MKLN1: variants seen among roughly 807,000 people sequenced by gnomAD.
MKLN1 encodes muskelin.
Under a neutral mutation model 99.0 loss-of-function variants are expected in MKLN1, and 18 were observed. The observed-to-expected ratio is 0.18, with a 90% confidence interval of 0.13 to 0.27. MKLN1 has a LOEUF of 0.27. MKLN1 is among the 10% of genes least tolerant of loss of function. The pLI is 1.00. For missense variants in MKLN1, 621 were observed against 875.9 expected (o/e 0.71, Z 3.67); for synonymous variants, 288 against 293.2 (o/e 0.98, Z 0.18).
At chr7:131,232,231 TAA>T (rs1304602033) in intron 3 of MKLN1, among the ~76,000 whole-genome samples, 1 of 152,208 alleles carries the variant, frequency 6.6e-6, no homozygotes, top group Non-Finnish European at 1.5e-5. Flanking sequence ...GAAATTATAA[TAA>T]AGATACTCTA....
intron 3 of MKLN1, among the ~76,000 whole-genome samples, chr7:131,267,357 A>C (rs1797823109): frequency 6.6e-6 from 1 of 152,174 alleles, no homozygotes; most frequent in Non-Finnish European, 1.5e-5. Flanking sequence ...ATAAATAAAT[A>C]TACATATAAA....
chr7:131,128,896 ATTTT>A (rs59954758), intron 1 of MKLN1, among the ~76,000 whole-genome samples: 2 of 120,206 alleles, frequency 1.7e-5, no homozygotes, highest in Admixed American at 9.4e-5. Context: ...CACCTCACCT[ATTTT>A]TTTTTTTTTT....
intron 9 of MKLN1, among the ~76,000 whole-genome samples, chr7:131,431,261 A>C (rs1163103067): frequency 6.6e-6 from 1 of 151,906 alleles, no homozygotes; most frequent in Non-Finnish European, 1.5e-5. Flanking sequence ...CAAGTCCCCC[A>C]AATACCATAT....
chr7:131,202,705 C>T (rs568091423), intron 2 of MKLN1, among the ~76,000 whole-genome samples: 1 of 152,144 alleles, frequency 6.6e-6, no homozygotes, highest in Non-Finnish European at 1.5e-5. Context: ...CAAATGTCCC[C>T]ATGGTGGAGT....
At chr7:131,174,558 G>A (rs554746695) in intron 2 of MKLN1, among the ~76,000 whole-genome samples, 53 of 152,108 alleles carry the variant, frequency 3.5e-4, no homozygotes, top group Middle Eastern at 3.4e-3. Flanking sequence ...ATCTCTTCCC[G>A]ACATGAGGTG....
intron 3 of MKLN1, among the ~76,000 whole-genome samples, chr7:131,312,956 C>A (rs887865212): frequency 6.6e-6 from 1 of 152,100 alleles, no homozygotes; most frequent in African/African-American, 2.4e-5. Flanking sequence ...GTCCCCAGGG[C>A]CACTTGTCTA....
chr7:131,120,043 C>T lies in MKLN1; in HGVS notation c.-419+9836C>T, dbSNP rs563647201. Among the ~76,000 whole-genome samples, 393 of 151,794 alleles carry T rather than the reference C, an allele frequency of 2.6e-3. 2 individuals carry two copies. Among genetic ancestry groups the T allele is most frequent in the African/African-American group, 8.7e-3 (361 of 41,366 alleles). The stretch of plus-strand genomic sequence containing the variant: ...AGCAGCCAGGCCACGTGTTGGCAGG[C>T]GCCTGTAGTCCCAGCTACTCGGGAG... On this transcript the variant is annotated intron_variant, in intron 1 of 7. Transcript: ENST00000416992.
chr7:131,362,561 A>T (rs1800061499), intron 1 of MKLN1, among the ~76,000 whole-genome samples: 1 of 151,090 alleles, frequency 6.6e-6, no homozygotes, highest in Non-Finnish European at 1.5e-5. Flanking sequence ...TTTTAGAAAG[A>T]TTTGCTTGAA....
At chr7:131,429,723 C>T (rs1031675504) in intron 9 of MKLN1, among the ~76,000 whole-genome samples, 66 of 152,248 alleles carry the variant, frequency 4.3e-4, no homozygotes, top group African/African-American at 9.9e-4. Flanking sequence ...GGACTACAGG[C>T]GTCCGCCACC....
chr7:131,197,706 C>A (rs1796669484), intron 2 of MKLN1, among the ~76,000 whole-genome samples: 2 of 152,018 alleles, frequency 1.3e-5, no homozygotes, highest in African/African-American at 4.8e-5. Flanking sequence ...AACTCTCTTT[C>A]ATTTTCCCAC....
At chr7:131,381,845 G>A (rs1793858110) in intron 2 of MKLN1, among the ~76,000 whole-genome samples, 2 of 152,136 alleles carry the variant, frequency 1.3e-5, no homozygotes, top group Non-Finnish European at 2.9e-5. Flanking sequence ...CTTTATATGG[G>A]TTCATTGCAT....
upstream of MKLN1, among the ~76,000 whole-genome samples, chr7:131,325,269 T>C (rs1363123481): frequency 1.3e-5 from 2 of 152,040 alleles, no homozygotes; most frequent in Non-Finnish European, 2.9e-5. Flanking sequence ...TATTGTGATG[T>C]GTGCTAAGAT....
At chr7:131,393,779 C>T (rs931737582) in intron 4 of MKLN1, among the ~76,000 whole-genome samples, 2 of 151,938 alleles carry the variant, frequency 1.3e-5, no homozygotes, top group African/African-American at 4.8e-5. Flanking sequence ...CACATACTAT[C>T]ATGCCCAGCT....
At chr7:131,470,326 A>G (rs968463523) in intron 15 of MKLN1, among the ~76,000 whole-genome samples, 1 of 152,236 alleles carries the variant, frequency 6.6e-6, no homozygotes, top group Non-Finnish European at 1.5e-5. Flanking sequence ...ACTGACTGAG[A>G]CATGGACATA....
chr7:131,258,381 G>GATTCTGTTGCTGGAGGAAA (rs1214232319), intron 3 of MKLN1, among the ~76,000 whole-genome samples: 7 of 152,174 alleles, frequency 4.6e-5, no homozygotes, highest in Non-Finnish European at 8.8e-5. Flanking sequence ...GCTGGAGGAA[G>GATTCTGTTGCTGGAGGAAA]TGTCCTAACA....
At chr7:131,402,534 G>A (rs1031710793) in intron 6 of MKLN1, among the ~76,000 whole-genome samples, 2 of 152,074 alleles carry the variant, frequency 1.3e-5, no homozygotes, top group African/African-American at 4.8e-5. Context: ...CTTTCCAGAA[G>A]GTTTTCAATT....
intron 3 of MKLN1, among the ~76,000 whole-genome samples, chr7:131,277,369 C>T (rs1271850884): frequency 2.0e-5 from 3 of 151,798 alleles, no homozygotes; most frequent in Non-Finnish European, 2.9e-5. Context: ...TTGCAACCTC[C>T]GCCTCCTGGG....
chr7:131,443,825 C>G, intron 11 of MKLN1, 123 bp downstream of exon 11: 2 of 746,882 alleles, frequency 2.7e-6, no homozygotes, highest in Non-Finnish European at 4.5e-6. Flanking sequence ...AAAGACAAAA[C>G]TTCTTTAACA....
At chr7:131,444,279 G>A (rs781042418) in intron 11 of MKLN1, among the ~76,000 whole-genome samples, 4 of 151,640 alleles carry the variant, frequency 2.6e-5, no homozygotes, top group South Asian at 2.1e-4. Context: ...CACCACGCCC[G>A]GCTAATTTTT....
Sources: gnomAD v4.1 joint callset for allele counts (sites outside exome capture counted in the v4.1 genomes callset) on GRCh38, gnomAD v4.1.1 for gene constraint, MANE v1.5 for transcripts, NCBI Gene and HGNC (gene_info 2026-07-23, HGNC 2026-07-21) for gene names.